Variants in SGCD observed in about 807,000 individuals in gnomAD.
SGCD encodes sarcoglycan delta, also known as delta-sarcoglycan.
SGCD carries 18 observed loss-of-function variants against 36.6 expected under a neutral mutation model. That is an observed-to-expected ratio of 0.49 (90% confidence interval 0.34 to 0.73). SGCD has a LOEUF of 0.73. Among genes scored for constraint, SGCD ranks in the 30% least tolerant of loss-of-function variants. SGCD has a pLI of 0.01. For missense variants in SGCD, 387 were observed against 346.7 expected (o/e 1.12, Z -0.92); for synonymous variants, 133 against 130.6 (o/e 1.02, Z -0.12).
chr5:155,847,820 A>G, the SGCD span, among the ~76,000 whole-genome samples: 1 of 152,228 alleles, frequency 6.6e-6, no homozygotes, highest in Non-Finnish European at 1.5e-5. Context: ...CATTGAGCAG[A>G]AGCTAGCTTA....
chr5:155,819,504 A>G, the SGCD span, among the ~76,000 whole-genome samples: 1 of 152,232 alleles, frequency 6.6e-6, no homozygotes, highest in Non-Finnish European at 1.5e-5. Context: ...CATAGCACTT[A>G]CCATGTACTT....
the SGCD span, among the ~76,000 whole-genome samples, chr5:155,837,442 G>A: frequency 2.0e-5 from 3 of 152,312 alleles, no homozygotes; most frequent in Admixed American, 2.0e-4. Flanking sequence ...ACTGGCATGA[G>A]TCACTGCGCC....
intron 3 of SGCD, among the ~76,000 whole-genome samples, chr5:156,356,825 G>A (rs1014927176): frequency 2.0e-5 from 3 of 152,148 alleles, no homozygotes; most frequent in Non-Finnish European, 4.4e-5. Flanking sequence ...TCCTCATAAC[G>A]ATGAGGCAGA....
At chr5:156,229,300 A>ATATAT (rs1477607808) in intron 3 of SGCD, among the ~76,000 whole-genome samples, 6 of 126,148 alleles carry the variant, frequency 4.8e-5, no homozygotes, top group South Asian at 2.6e-4. Flanking sequence ...ATATATATAT[A>ATATAT]AAATTAGTTC....
intron 3 of SGCD, among the ~76,000 whole-genome samples, chr5:156,492,672 G>A (rs890460822): frequency 7.9e-5 from 12 of 152,050 alleles, no homozygotes; most frequent in Admixed American, 3.3e-4. Flanking sequence ...CCATCAACCC[G>A]TCATCTACAT....
chr5:155,917,097 T>A (rs1477133252), intron 1 of SGCD, among the ~76,000 whole-genome samples: 3 of 152,216 alleles, frequency 2.0e-5, no homozygotes, highest in African/African-American at 7.2e-5. Flanking sequence ...AGCTTGCATT[T>A]GAATTTCATA....
Position 156,671,244 on chromosome 5 carries a change from G to A in SGCD, c.575+23708G>A, listed in dbSNP as rs528744745. On this transcript the variant is annotated intron_variant, in intron 7 of 8. Coordinates refer to ENST00000337851, the MANE Select transcript of SGCD (RefSeq NM_000337.6). ...TTTCCAATTGGAGCTTTATCAAATG[G>A]TTGGTGATTCATGGATATCTATTGA... 4.7e-5 allele frequency among the ~76,000 whole-genome samples: 7 copies of A among 147,886 alleles called. No homozygotes were observed. In the South Asian group the frequency reaches 1.1e-3, roughly 23 times the overall value.
upstream of SGCD, among the ~76,000 whole-genome samples, chr5:155,866,594 T>C (rs1174476373): frequency 6.6e-6 from 1 of 152,218 alleles, no homozygotes; most frequent in Non-Finnish European, 1.5e-5. Context: ...ACTATGGCTC[T>C]GTAATGACTA....
At chr5:156,284,803 G>A (rs1377509755) in intron 3 of SGCD, among the ~76,000 whole-genome samples, 2 of 152,236 alleles carry the variant, frequency 1.3e-5, no homozygotes, top group Admixed American at 1.3e-4. Flanking sequence ...ATTCAACATA[G>A]TGTTGGAAGT....
intron 3 of SGCD, among the ~76,000 whole-genome samples, chr5:156,493,658 G>T (rs1319904002): frequency 6.6e-6 from 1 of 152,058 alleles, no homozygotes; most frequent in Non-Finnish European, 1.5e-5. Flanking sequence ...CAAAGGGAGG[G>T]AATTAAGTCC....
intron 1 of SGCD, among the ~76,000 whole-genome samples, chr5:155,943,885 A>T (rs549555869): frequency 6.6e-6 from 1 of 152,288 alleles, no homozygotes; most frequent in African/African-American, 2.4e-5. Flanking sequence ...AAAGTTACCC[A>T]CTTTACTGTA....
intron 6 of SGCD, among the ~76,000 whole-genome samples, chr5:156,641,110 C>T (rs1323697341): frequency 6.6e-6 from 1 of 152,104 alleles, no homozygotes; most frequent in Non-Finnish European, 1.5e-5. Flanking sequence ...TTTTCACTGC[C>T]TATTACTTTT....
At chr5:156,599,900 G>A (rs186195463) in intron 6 of SGCD, among the ~76,000 whole-genome samples, 1 of 152,324 alleles carries the variant, frequency 6.6e-6, no homozygotes, top group East Asian at 1.9e-4. Context: ...ATAACTCTGT[G>A]ACATAGGGTA....
chr5:155,901,593 G>A (rs939832430), intron 1 of SGCD, among the ~76,000 whole-genome samples: 2 of 152,056 alleles, frequency 1.3e-5, no homozygotes, highest in African/African-American at 4.8e-5. Flanking sequence ...TCTTGAAAAT[G>A]TTCACTAAGT....
chr5:156,537,867 G>T (rs1027789092), intron 4 of SGCD, among the ~76,000 whole-genome samples: 1 of 151,998 alleles, frequency 6.6e-6, no homozygotes, highest in Non-Finnish European at 1.5e-5. Flanking sequence ...GATGCTAGTG[G>T]CTAGATACTT....
chr5:155,822,902 ACT>A, the SGCD span, among the ~76,000 whole-genome samples: 7,252 of 152,092 alleles, frequency 0.048, 230 homozygotes, highest in Middle Eastern at 0.14. Flanking sequence ...CTGCTAAATA[ACT>A]CTGAGCAGTT....
chr5:156,058,990 C>T lies in SGCD; in HGVS notation c.-281-58888C>T, dbSNP rs1297132720. ...TATTTAAAAATATATATTGCTTATGCCTAGAAAAAAGAGAATTATGCACTG... is the reference window on the plus strand; with the variant it reads ...TATTTAAAAATATATATTGCTTATGTCTAGAAAAAAGAGAATTATGCACTG... On this transcript the variant is annotated intron_variant, in intron 1 of 9. Coordinates refer to the SGCD transcript ENST00000517913. Among the ~76,000 whole-genome samples, 6 of 145,310 alleles carry T rather than the reference C, an allele frequency of 4.1e-5. 2 individuals carry two copies. Among genetic ancestry groups the T allele is most frequent in the Non-Finnish European group, 9.3e-5 (6 of 64,660 alleles).
intron 3 of SGCD, among the ~76,000 whole-genome samples, chr5:156,478,806 C>G (rs192974569): frequency 5.9e-5 from 9 of 152,172 alleles, no homozygotes; most frequent in African/African-American, 2.2e-4. Flanking sequence ...GTCTCGAACT[C>G]CCAACCTCAG....
At chr5:156,029,694 A>G (rs1020264830) in intron 1 of SGCD, among the ~76,000 whole-genome samples, 1 of 152,178 alleles carries the variant, frequency 6.6e-6, no homozygotes, top group Non-Finnish European at 1.5e-5. Context: ...TGAACTAACA[A>G]AAAGAACAAG....
Sources: allele counts gnomAD v4.1 joint callset (sites outside exome capture counted in the v4.1 genomes callset), GRCh38; gene constraint gnomAD v4.1.1; transcripts MANE v1.5; gene names NCBI Gene and HGNC (gene_info 2026-07-23, HGNC 2026-07-21).